Variants in DKK2 observed in about 807,000 individuals in gnomAD.
DKK2 encodes dickkopf-related protein 2.
A neutral mutation model predicts 28.1 loss-of-function variants in DKK2; 11 were observed. That is an observed-to-expected ratio of 0.39 (90% CI 0.25 to 0.65). DKK2 has a LOEUF of 0.65. Ranked by LOEUF, DKK2 falls within the 30% of genes least tolerant of loss-of-function variation. DKK2 has a pLI of 0.47. For synonymous variants in DKK2, 135 were observed against 126.5 expected (o/e 1.07, Z -0.45); for missense variants, 326 against 335.5 (o/e 0.97, Z 0.22).
intron 1 of DKK2, among the ~76,000 whole-genome samples, chr4:106,947,869 T>C (rs935867093): frequency 9.2e-5 from 14 of 152,036 alleles, no homozygotes; most frequent in Non-Finnish European, 2.1e-4. Context: ...CAGGCTGGCC[T>C]CAAACTCCTG....
intron 1 of DKK2, 23 bp from the exon 2 acceptor site, chr4:106,925,972 C>A (rs1360814935): frequency 1.9e-6 from 3 of 1,582,440 alleles, no homozygotes; most frequent in African/African-American, 1.4e-5. Flanking sequence ...GGAACAACAC[C>A]AGAAGTAAAG....
chr4:106,970,427 C>G (rs992222311), intron 1 of DKK2, among the ~76,000 whole-genome samples: 1 of 152,016 alleles, frequency 6.6e-6, no homozygotes, highest in Non-Finnish European at 1.5e-5. Context: ...ATGGCACATA[C>G]AGTATGTGAA....
At chr4:106,974,442 G>A (rs1015825221) in intron 1 of DKK2, among the ~76,000 whole-genome samples, 1 of 152,126 alleles carries the variant, frequency 6.6e-6, no homozygotes, top group East Asian at 1.9e-4. Context: ...AGTTCTCCTT[G>A]AAGAGGTCCT....
chr4:107,029,302 T>A (rs374240340), intron 1 of DKK2, among the ~76,000 whole-genome samples: 17 of 152,330 alleles, frequency 1.1e-4, no homozygotes, highest in African/African-American at 3.8e-4. Flanking sequence ...AATATTAGAT[T>A]GCTTAGGTTT....
intron 2 of DKK2, among the ~76,000 whole-genome samples, chr4:106,925,489 TC>T (rs1027725789): frequency 4.6e-5 from 7 of 152,244 alleles, no homozygotes; most frequent in Admixed American, 2.0e-4. Flanking sequence ...ATATCAAGTT[TC>T]TTTCTTTGGT....
intron 1 of DKK2, among the ~76,000 whole-genome samples, chr4:107,034,171 G>C (rs543511077): frequency 1.3e-5 from 2 of 152,016 alleles, no homozygotes; most frequent in African/African-American, 4.8e-5. Context: ...AGAATGGCTC[G>C]GCCCTCTCAA....
chr4:106,985,430 G>A (rs372486113), intron 1 of DKK2, among the ~76,000 whole-genome samples: 1 of 152,054 alleles, frequency 6.6e-6, no homozygotes, highest in Non-Finnish European at 1.5e-5. Context: ...GAAGGAAAAC[G>A]AGTGAAGGGT....
chr4:106,970,298 G>A (rs1722852490), intron 1 of DKK2, among the ~76,000 whole-genome samples: 1 of 152,050 alleles, frequency 6.6e-6, no homozygotes, highest in Non-Finnish European at 1.5e-5. Context: ...CTTTTTGAAT[G>A]CACACATAAC....
intron 1 of DKK2, among the ~76,000 whole-genome samples, chr4:107,020,687 G>A (rs1723678677): frequency 6.6e-6 from 1 of 152,010 alleles, no homozygotes; most frequent in African/African-American, 2.4e-5. Flanking sequence ...TGCACAGAAA[G>A]ACAAATAATG....
At chr4:106,997,931 A>C (rs1723299299) in intron 1 of DKK2, among the ~76,000 whole-genome samples, 1 of 152,326 alleles carries the variant, frequency 6.6e-6, no homozygotes, top group Non-Finnish European at 1.5e-5. Context: ...GTGTTACCTA[A>C]CTATTGTTCT....
At chr4:106,984,305 C>G (rs754455550) in intron 1 of DKK2, among the ~76,000 whole-genome samples, 3 of 152,192 alleles carry the variant, frequency 2.0e-5, no homozygotes, top group Non-Finnish European at 4.4e-5. Context: ...AGAACTTTTT[C>G]ATCATCTCAA....
At chr4:106,933,816 T>A (rs1578346905) in intron 1 of DKK2, among the ~76,000 whole-genome samples, 1 of 152,248 alleles carries the variant, frequency 6.6e-6, no homozygotes, top group East Asian at 1.9e-4. Flanking sequence ...GTTTAGAAAA[T>A]ACTTTTTTAT....
intron 1 of DKK2, among the ~76,000 whole-genome samples, chr4:106,944,427 A>G (rs1023626804): frequency 2.0e-5 from 3 of 152,102 alleles, no homozygotes; most frequent in African/African-American, 7.2e-5. Context: ...GTACACATCT[A>G]TACAACTCCT....
At chr4:107,022,205 C>A (rs1254344212) in intron 1 of DKK2, among the ~76,000 whole-genome samples, 1 of 152,114 alleles carries the variant, frequency 6.6e-6, no homozygotes, top group Non-Finnish European at 1.5e-5. Context: ...GAACCTCTTT[C>A]AACCTTAAAA....
At chr4:106,973,368 T>G (rs1578363362) in intron 1 of DKK2, among the ~76,000 whole-genome samples, 1 of 152,220 alleles carries the variant, frequency 6.6e-6, no homozygotes, top group Non-Finnish European at 1.5e-5. Flanking sequence ...GTAAAAGTGT[T>G]CCCATTTCTC....
intron 1 of DKK2, among the ~76,000 whole-genome samples, chr4:107,012,753 T>C: frequency 6.6e-6 from 1 of 151,134 alleles, no homozygotes; most frequent in African/African-American, 2.4e-5. Flanking sequence ...TATTGCAGCA[T>C]ATGCTCTCTA....
intron 1 of DKK2, among the ~76,000 whole-genome samples, chr4:107,005,621 G>T (rs1723427636): frequency 6.6e-6 from 1 of 152,054 alleles, no homozygotes; most frequent in Non-Finnish European, 1.5e-5. Context: ...ATGCAGTCAA[G>T]CTCCCCACGA....
At chr4:107,021,324 A>G (rs1196508528) in intron 1 of DKK2, among the ~76,000 whole-genome samples, 1 of 152,096 alleles carries the variant, frequency 6.6e-6, no homozygotes, top group Non-Finnish European at 1.5e-5. Context: ...CCCTAAAGTC[A>G]TGGCCTAAAA....
At chr4:106,938,648 G>T (rs995085679) in intron 1 of DKK2, among the ~76,000 whole-genome samples, 12 of 152,064 alleles carry the variant, frequency 7.9e-5, no homozygotes, top group African/African-American at 2.9e-4. Context: ...GCCAGGCAGA[G>T]ACACAACAAA....
Sources: allele counts gnomAD v4.1 joint callset (sites outside exome capture counted in the v4.1 genomes callset), GRCh38; gene constraint gnomAD v4.1.1; transcripts MANE v1.5; gene names NCBI Gene and HGNC (gene_info 2026-07-23, HGNC 2026-07-21).